Variants in HIVEP3 observed in about 807,000 individuals in gnomAD.
HIVEP3 encodes the protein HIVEP zinc finger 3, also known as transcription factor HIVEP3.
In HIVEP3, 49 loss-of-function variants were observed where a neutral mutation model predicts 152.8. The ratio of observed to expected loss-of-function variants is 0.32; its 90% CI spans 0.26 to 0.41. The LOEUF is 0.41. Among genes scored for constraint, HIVEP3 ranks in the 10% least tolerant of loss-of-function variants. The pLI is 1.00. For synonymous variants in HIVEP3, 1,269 were observed against 1,289.0 expected, an observed-to-expected ratio of 0.98 and a Z score of 0.33; for missense variants, 2,790 against 3,103.3, an observed-to-expected ratio of 0.90 and a Z score of 2.40.
chr1:41,768,135 T>C (rs1254040284), intron 1 of HIVEP3, among the ~76,000 whole-genome samples: 2 of 152,222 alleles, frequency 1.3e-5, no homozygotes, highest in Non-Finnish European at 2.9e-5. Flanking sequence ...TTCACGCTGC[T>C]GATAGACATA....
At chr1:41,956,750 G>T (rs1013439927) in intron 1 of HIVEP3, among the ~76,000 whole-genome samples, 1 of 152,144 alleles carries the variant, frequency 6.6e-6, no homozygotes, top group African/African-American at 2.4e-5. Context: ...TTTTAATTTT[G>T]TTTGAATATA....
chr1:41,525,054 G>C, intron 5 of HIVEP3, 144 bp from the exon 6 acceptor site: 1 of 757,116 alleles, frequency 1.3e-6, no homozygotes, highest in South Asian at 1.8e-5. Flanking sequence ...AGGACCACGA[G>C]AGTGGGAGGA....
intron 1 of HIVEP3, among the ~76,000 whole-genome samples, chr1:41,763,333 T>C (rs1012947820): frequency 1.3e-5 from 2 of 152,110 alleles, no homozygotes; most frequent in African/African-American, 4.8e-5. Context: ...GCCGTCCCCC[T>C]CCTGCCCTCC....
intron 5 of HIVEP3, among the ~76,000 whole-genome samples, chr1:41,554,504 T>TA (rs1206136044): frequency 2.6e-5 from 4 of 152,212 alleles, no homozygotes; most frequent in African/African-American, 9.6e-5. Flanking sequence ...TTGTCAAAGT[T>TA]ATTCTCCATC....
At chr1:41,893,556 C>A (rs1644480643) in intron 1 of HIVEP3, among the ~76,000 whole-genome samples, 1 of 151,934 alleles carries the variant, frequency 6.6e-6, no homozygotes. Context: ...AATCATCTGG[C>A]CCAAAATGTC....
rs192856493 is a variant in HIVEP3 at position 41,925,774 on chromosome 1, G to C, written n.120-7250C>G. ...CATGACTGTACATACTGTCTTAACTGTAAGGCTGCAAATGTTTCTGTCAGT... is the reference window on the plus strand; with the variant it reads ...CATGACTGTACATACTGTCTTAACTCTAAGGCTGCAAATGTTTCTGTCAGT... On this transcript the variant is annotated intron_variant and non_coding_transcript_variant, in intron 1 of 3. Transcript: ENST00000489103. 8.7e-4 allele frequency among the ~76,000 whole-genome samples: 132 copies of C among 152,276 alleles called. 2 individuals are homozygous for C. The Middle Eastern group carries it at 0.017, about 20-fold the overall frequency.
At chr1:41,800,383 A>G (rs1009579057) in intron 1 of HIVEP3, among the ~76,000 whole-genome samples, 2 of 152,184 alleles carry the variant, frequency 1.3e-5, no homozygotes, top group Admixed American at 1.3e-4. Flanking sequence ...CTGCCATGCC[A>G]TGGAGGAGCT....
chr1:41,699,124 G>A (rs920385906), intron 2 of HIVEP3, among the ~76,000 whole-genome samples: 38 of 152,350 alleles, frequency 2.5e-4, no homozygotes, highest in African/African-American at 8.9e-4. Flanking sequence ...CTCCATCGCA[G>A]GGCTGAGTCA....
chr1:41,536,160 A>G (rs640688), intron 5 of HIVEP3, among the ~76,000 whole-genome samples: 71,592 of 151,832 alleles, frequency 0.47, 17,096 homozygotes, highest in Admixed American at 0.59. Flanking sequence ...TGAATATAAC[A>G]AAAGATGGAA....
chr1:41,869,462 G>A (rs779855711), intron 1 of HIVEP3: 1 of 152,274 alleles, frequency 6.6e-6, no homozygotes, highest in Non-Finnish European at 1.5e-5. Context: ...GACAGAGCCT[G>A]ACGCAGCTAC....
intron 1 of HIVEP3, among the ~76,000 whole-genome samples, chr1:41,749,476 C>G (rs1647125228): frequency 6.8e-6 from 1 of 147,304 alleles, no homozygotes; most frequent in Non-Finnish European, 1.5e-5. Flanking sequence ...GAGAATAATT[C>G]TAGAGAGAGG....
intron 2 of HIVEP3, among the ~76,000 whole-genome samples, chr1:41,655,037 T>C (rs1303885892): frequency 6.6e-6 from 1 of 152,156 alleles, no homozygotes; most frequent in Non-Finnish European, 1.5e-5. Context: ...ATGCAGCTAT[T>C]ATTATTATTA....
chr1:41,924,815 A>G (rs1294232222), intron 1 of HIVEP3, among the ~76,000 whole-genome samples: 1 of 152,194 alleles, frequency 6.6e-6, no homozygotes, highest in Non-Finnish European at 1.5e-5. Context: ...CTTTGGGTAC[A>G]TACAAAACAA....
At chr1:41,517,330 G>C (rs540847695) in intron 7 of HIVEP3, among the ~76,000 whole-genome samples, 1 of 152,166 alleles carries the variant, frequency 6.6e-6, no homozygotes, top group Admixed American at 6.5e-5. Context: ...CCTGTTTTGA[G>C]GACTCAATGA....
intron 5 of HIVEP3, among the ~76,000 whole-genome samples, chr1:41,526,163 A>G (rs1642896688): frequency 6.6e-6 from 1 of 151,900 alleles, no homozygotes; most frequent in South Asian, 2.1e-4. Flanking sequence ...TTGGGAAGGA[A>G]GGGCTTGGAA....
At chr1:41,574,781 C>T (rs1644302583) in intron 5 of HIVEP3, among the ~76,000 whole-genome samples, 1 of 152,178 alleles carries the variant, frequency 6.6e-6, no homozygotes, top group South Asian at 2.1e-4. Context: ...GACCCTGAGA[C>T]AGAACGCCAT....
At chr1:41,643,002 T>C (rs999941026) in intron 2 of HIVEP3, among the ~76,000 whole-genome samples, 10 of 152,102 alleles carry the variant, frequency 6.6e-5, no homozygotes, top group African/African-American at 2.4e-4. Context: ...TGTCACCAGG[T>C]TCTCAGTGAA....
At position 41,581,956 on chromosome 1, in the gene HIVEP3, A is replaced by G; in HGVS notation, c.2842T>C (p.Ser948Pro). 6.2e-7 allele frequency: 1 copy of G among 1,614,022 alleles called. No homozygotes were observed. Among genetic ancestry groups the G allele is most frequent in the Non-Finnish European group, 8.5e-7 (1 of 1,180,006 alleles). The change falls in exon 4 of 9, where the codon TCG (serine) becomes CCG (proline). Residue 948 changes from serine to proline, a missense_variant. Physicochemically the swap from Ser to Pro is moderately conservative, Grantham distance 74 (BLOSUM62 -1). This residue lies in a region of HIVEP3 where 1,078 missense variants were observed against 1,165.3 expected (regional missense o/e 0.93). Coordinates refer to ENST00000372583, the MANE Select transcript of HIVEP3 (RefSeq NM_024503.5). The surrounding 1 kb of genome is among the most constrained non-coding windows in gnomAD (Gnocchi z 4.5). ...TTCCCATGGTCATCCCTCTCAAACG[A>G]GGCTGAGCGGCTGGACCCACTCAAA... ...VSLSGSSRSASFERDDHGKAE... is the reference protein window; with the variant it reads ...VSLSGSSRSAPFERDDHGKAE...
At chr1:41,886,797 C>A (rs1644355461) in intron 1 of HIVEP3, among the ~76,000 whole-genome samples, 1 of 149,366 alleles carries the variant, frequency 6.7e-6, no homozygotes, top group African/African-American at 2.5e-5. Context: ...ATAGAACTTT[C>A]TTCCAGTCTT....
Sources: allele counts gnomAD v4.1 joint callset (sites outside exome capture counted in the v4.1 genomes callset), GRCh38; gene constraint gnomAD v4.1.1; regional missense constraint gnomAD v4.1.1; non-coding constraint Gnocchi (gnomAD v3.1); transcripts MANE v1.5; gene names NCBI Gene and HGNC (gene_info 2026-07-23, HGNC 2026-07-21).